Variants in PRUNE2 observed in about 807,000 individuals in gnomAD.
PRUNE2 encodes protein prune homolog 2.
In PRUNE2, 164 loss-of-function variants were observed where a neutral mutation model predicts 252.0. That is an observed-to-expected ratio of 0.65 (90% CI 0.57 to 0.74). The LOEUF (loss-of-function observed/expected upper bound fraction) is 0.74, where lower values mean the gene tolerates loss of function less well. PRUNE2 is among the 30% of genes least tolerant of loss of function. The pLI is 0.00. For missense variants in PRUNE2, 3,495 were observed against 3,711.0 expected (o/e 0.94, Z 1.51); for synonymous variants, 1,292 against 1,350.2 (o/e 0.96, Z 0.94).
rs369705080 is a variant in PRUNE2, at chr9:76,861,290, T to C, written c.37-7082A>G. Among the ~76,000 whole-genome samples the C allele has an allele frequency of 6.6e-5, 10 of 152,332 alleles. No homozygotes were observed. In the South Asian group the frequency reaches 2.1e-3, roughly 32 times the overall value. Reference sequence around the variant, plus strand: ...CTGGGTTTGAGATGATTTTGAGAACTCCTGACCTCCTCCTGAATTTCTCTT... The same window carrying C: ...CTGGGTTTGAGATGATTTTGAGAACCCCTGACCTCCTCCTGAATTTCTCTT... On this transcript the variant is annotated intron_variant, in intron 1 of 18. Transcript: ENST00000376718.
At chr9:76,744,058 T>A (rs2049888404) in intron 6 of PRUNE2, among the ~76,000 whole-genome samples, 1 of 152,174 alleles carries the variant, frequency 6.6e-6, no homozygotes, top group Non-Finnish European at 1.5e-5. Context: ...TAAACACTAG[T>A]GGTTGAGAGT....
Position 76,652,695 on chromosome 9 carries a change from A to G in PRUNE2, c.8357-12T>C, listed in dbSNP as rs982555973. On this transcript the variant is annotated splice_polypyrimidine_tract_variant and intron_variant, in intron 10 of 18. Coordinates refer to ENST00000376718, the MANE Select transcript of PRUNE2 (RefSeq NM_015225.3). ...AGAATTAGGAGGTTCTAAAGAAGAAAGAGAACAGCAACATCAAGTATTAAA... is the reference window on the plus strand; with the variant it reads ...AGAATTAGGAGGTTCTAAAGAAGAAGGAGAACAGCAACATCAAGTATTAAA... 4 of 1,564,214 alleles carry G rather than the reference A, an allele frequency of 2.6e-6. No homozygotes were observed. The African/African-American group carries it at 5.4e-5, about 21-fold the overall frequency.
At chr9:76,768,200 C>CT (rs58313419) in intron 6 of PRUNE2, among the ~76,000 whole-genome samples, 20,695 of 148,750 alleles carry the variant, frequency 0.14, 2,268 homozygotes, top group East Asian at 0.39. Flanking sequence ...AATGATTTTC[C>CT]TTTTTTTTTT....
In PRUNE2 at chr9:76,616,299, G is replaced by A. The variant is rs114739830; in HGVS notation, c.9237-1699C>T. The stretch of plus-strand genomic sequence containing the variant: ...AAACAGGTCATTTAAAAAATATACT[G>A]TTTTTGCTTTTAAAAGGTCCTTCCT... On this transcript the variant is annotated intron_variant, in intron 18 of 18. Coordinates refer to ENST00000376718, the MANE Select transcript of PRUNE2 (RefSeq NM_015225.3). 3.8e-3 allele frequency among the ~76,000 whole-genome samples: 583 copies of A among 152,174 alleles called. 4 individuals carry two copies. Among genetic ancestry groups the A allele is most frequent in the African/African-American group, 0.014 (561 of 41,508 alleles).
At chr9:76,833,398 G>A (rs910356863) in intron 4 of PRUNE2, among the ~76,000 whole-genome samples, 4 of 152,132 alleles carry the variant, frequency 2.6e-5, no homozygotes, top group Admixed American at 2.6e-4. Context: ...AAATCCCAAA[G>A]TTAATCATTA....
At chr9:76,824,694 TA>T (rs1227915080) in intron 5 of PRUNE2, among the ~76,000 whole-genome samples, 2 of 152,188 alleles carry the variant, frequency 1.3e-5, no homozygotes, top group Admixed American at 1.3e-4. Context: ...GGAAGATCTA[TA>T]ATAAAGCCTG....
At chr9:76,905,866 T>G in intron 1 of PRUNE2, 62 bp downstream of exon 1, 1 of 1,605,300 alleles carries the variant, frequency 6.2e-7, no homozygotes, top group East Asian at 2.2e-5. Flanking sequence ...CACCTTTTCC[T>G]CTCCACCTTT....
intron 17 of PRUNE2, among the ~76,000 whole-genome samples, chr9:76,622,932 T>C (rs913580542): frequency 6.6e-6 from 1 of 152,226 alleles, no homozygotes; most frequent in African/African-American, 2.4e-5. Context: ...ACACAAAAGA[T>C]TGGCACACTA....
intron 6 of PRUNE2, among the ~76,000 whole-genome samples, chr9:76,818,928 T>A (rs1173997064): frequency 6.6e-6 from 1 of 152,160 alleles, no homozygotes; most frequent in African/African-American, 2.4e-5. Flanking sequence ...TGTGACCTTA[T>A]TTGGAAATAG....
intron 6 of PRUNE2, among the ~76,000 whole-genome samples, chr9:76,795,617 A>C (rs920823813): frequency 2.0e-5 from 3 of 152,170 alleles, no homozygotes; most frequent in African/African-American, 7.2e-5. Flanking sequence ...CTTGTACACG[A>C]GCCTAAAAGG....
At chr9:76,741,805 T>G (rs933374293) in intron 6 of PRUNE2, among the ~76,000 whole-genome samples, 1 of 152,212 alleles carries the variant, frequency 6.6e-6, no homozygotes, top group African/African-American at 2.4e-5. Context: ...TGTTGCCTCC[T>G]TGCAACACAT....
chr9:76,807,707 C>T (rs550815703), intron 6 of PRUNE2, among the ~76,000 whole-genome samples: 1 of 152,198 alleles, frequency 6.6e-6, no homozygotes, highest in Admixed American at 6.5e-5. Flanking sequence ...CTGAGAAAAC[C>T]CAGAGCTGGG....
intron 1 of PRUNE2, among the ~76,000 whole-genome samples, chr9:76,879,896 T>C (rs1365332719): frequency 1.1e-5 from 1 of 92,132 alleles, no homozygotes; most frequent in Non-Finnish European, 2.1e-5. Flanking sequence ...TATATATATA[T>C]ATATATATTT....
At chr9:76,735,861 C>T (rs758226676) in intron 6 of PRUNE2, among the ~76,000 whole-genome samples, 7 of 152,062 alleles carry the variant, frequency 4.6e-5, no homozygotes, top group Non-Finnish European at 1.0e-4. Context: ...AAAATATTCC[C>T]AATATCATAC....
At chr9:76,728,769 C>T (rs989289929) in intron 6 of PRUNE2, among the ~76,000 whole-genome samples, 4 of 152,244 alleles carry the variant, frequency 2.6e-5, no homozygotes, top group African/African-American at 9.6e-5. Context: ...CCTGTTATCT[C>T]TGCACCTTTA....
intron 6 of PRUNE2, among the ~76,000 whole-genome samples, chr9:76,805,660 C>T (rs574308252): frequency 6.6e-6 from 1 of 152,276 alleles, no homozygotes; most frequent in South Asian, 2.1e-4. Flanking sequence ...GCTAAAGAAA[C>T]ACGGGCTTTC....
At chr9:76,883,982 T>C (rs2061941955) in intron 1 of PRUNE2, among the ~76,000 whole-genome samples, 2 of 152,222 alleles carry the variant, frequency 1.3e-5, no homozygotes, top group African/African-American at 2.4e-5. Flanking sequence ...GGTTAAATGG[T>C]AGCAATTATC....
chr9:76,633,505 T>C (rs1838634655), intron 15 of PRUNE2, among the ~76,000 whole-genome samples: 1 of 148,690 alleles, frequency 6.7e-6, no homozygotes, highest in Admixed American at 6.7e-5. Flanking sequence ...CACTTGAGCA[T>C]GGGAAGGCAG....
intron 6 of PRUNE2, among the ~76,000 whole-genome samples, chr9:76,780,939 G>A (rs140318777): frequency 1.7e-4 from 26 of 152,210 alleles, no homozygotes; most frequent in African/African-American, 6.0e-4. Context: ...TGAGAAAGTG[G>A]TCTAGGACAT....
Sources: allele counts gnomAD v4.1 joint callset (sites outside exome capture counted in the v4.1 genomes callset), GRCh38; gene constraint gnomAD v4.1.1; transcripts MANE v1.5; gene names NCBI Gene and HGNC (gene_info 2026-07-23, HGNC 2026-07-21).